EI24: variants seen among roughly 807,000 people sequenced by gnomAD.
EI24 encodes EI24 autophagy associated transmembrane protein, also known as etoposide-induced protein 2.4 homolog.
EI24 carries 21 observed loss-of-function variants against 48.6 expected under a neutral mutation model. That is an observed-to-expected ratio of 0.43 (90% confidence interval 0.31 to 0.62). EI24 has a LOEUF of 0.62. EI24 is among the 20% of genes least tolerant of loss of function. The pLI is 0.10. For synonymous variants in EI24, 114 were observed against 145.5 expected, an observed-to-expected ratio of 0.78 and a Z score of 1.56; for missense variants, 280 against 410.5, an observed-to-expected ratio of 0.68 and a Z score of 2.75.
intron 9 of EI24, among the ~76,000 whole-genome samples, chr11:125,582,052 G>GC (rs766979836): frequency 2.3e-4 from 35 of 151,860 alleles, no homozygotes; most frequent in Non-Finnish European, 4.3e-4. Flanking sequence ...ACAAAAATTA[G>GC]CCAGGCGTGG....
At position 125,581,197 on chromosome 11, in the gene EI24, C is replaced by T. The variant is rs1938978479; in HGVS notation, c.674-14C>T. Reference sequence around the variant, plus strand: ...GAAATATAATATCTAATTGTATTGGCTTTCTTGTTTTAGGAATTGAAATGC... The same window carrying T: ...GAAATATAATATCTAATTGTATTGGTTTTCTTGTTTTAGGAATTGAAATGC... On this transcript the variant is annotated splice_polypyrimidine_tract_variant and intron_variant, in intron 8 of 10. Transcript: ENST00000278903. 1 of 1,583,920 alleles carries T rather than the reference C, an allele frequency of 6.3e-7. No homozygotes were observed. Among genetic ancestry groups the T allele is most frequent in the African/African-American group, 1.3e-5 (1 of 74,202 alleles).
In EI24 at chr11:125,577,552, G is replaced by T. The variant is rs541463043; in HGVS notation, c.298G>T (p.Val100Leu). ...AGTATTTATTCCTGTGCTTCAGTCG[G>T]TAACAGCCCGAATTATCGGTAAGTG... ...YRVFIPVLQS[V>L]TARIIGDPSL... The change falls in exon 5 of 11, where the codon GTA becomes TTA. Residue 100 changes from valine to leucine, a missense_variant. Transcript: ENST00000278903. 6.2e-7 allele frequency: 1 copy of T among 1,613,780 alleles called. No homozygotes were observed. Among genetic ancestry groups the T allele is most frequent in the African/African-American group, 1.3e-5 (1 of 75,024 alleles).
intron 1 of EI24, 47 bp downstream of exon 1, chr11:125,569,620 C>G: frequency 2.8e-6 from 1 of 356,422 alleles, no homozygotes; most frequent in Non-Finnish European, 5.0e-6. Context: ...GCCGCGCCGC[C>G]CATTCTGAGT....
Position 125,578,379 on chromosome 11 carries a change from G to A in EI24, c.441+122G>A, listed in dbSNP as rs964279058. ...CTGTTTTTCAGCCTTAATGTTTCTT[G>A]GCCAGGTAGCCAGTAGCTGATCTTT... On this transcript the variant is annotated intron_variant, in intron 6 of 10. Transcript: ENST00000278903. 6 of 1,295,856 alleles carry A rather than the reference G, an allele frequency of 4.6e-6. No individual in the cohort carries two copies. The African/African-American group carries it at 7.4e-5, about 16-fold the overall frequency. The allele number at this position is 1,295,856 out of a possible 1,614,324, so 80.3% of individuals were successfully genotyped here.
intron 8 of EI24, among the ~76,000 whole-genome samples, chr11:125,580,424 A>G (rs1350533010): frequency 6.6e-6 from 1 of 152,218 alleles, no homozygotes; most frequent in Non-Finnish European, 1.5e-5. Flanking sequence ...TTGGTGCTTA[A>G]CATGGTATAT....
At chr11:125,578,820 C>A in intron 6 of EI24, 129 bp from the exon 7 acceptor site, 2 of 1,113,420 alleles carry the variant, frequency 1.8e-6, no homozygotes, top group Non-Finnish European at 2.5e-6. Context: ...CACATGCCAT[C>A]GTGCCCAGCT....
Position 125,583,515 on chromosome 11 carries a change from T to C in EI24, c.861-6T>C. On this transcript the variant is annotated splice_region_variant and splice_polypyrimidine_tract_variant and intron_variant, in intron 10 of 10. Coordinates refer to ENST00000278903, the MANE Select transcript of EI24 (RefSeq NM_004879.5). ...GAGCTAACAAGTTGGGTTTCTTGCC[T>C]TTTAGTCTCTTCCAGTTGCGCCTCT... The C allele has an allele frequency of 6.4e-7, 1 of 1,566,334 alleles. No individual in the cohort carries two copies. Among genetic ancestry groups the C allele is most frequent in the Non-Finnish European group, 8.7e-7 (1 of 1,155,450 alleles).
chr11:125,583,742 C>T lies in EI24; in HGVS notation c.*59C>T, dbSNP rs1939109572. 5 of 1,576,094 alleles carry T rather than the reference C, an allele frequency of 3.2e-6. No individual in the cohort carries two copies. Among genetic ancestry groups the T allele is most frequent in the South Asian group, 2.3e-5 (2 of 86,222 alleles). On this transcript the variant is annotated 3_prime_UTR_variant, in exon 11 of 11. Coordinates refer to ENST00000278903, the MANE Select transcript of EI24 (RefSeq NM_004879.5). ...GGAAGAAGCTGTGGCAGCTCTTTTC[C>T]CTGTTCACCTCCCGCCTGCCAGGGA... is the stretch of plus-strand genomic sequence containing the variant.
intron 8 of EI24, 176 bp from the exon 9 acceptor site, chr11:125,581,034 AC>A (rs1938970170): frequency 5.8e-6 from 1 of 171,290 alleles, no homozygotes; most frequent in South Asian, 1.9e-4. Flanking sequence ...CTGAGATTGC[AC>A]CACCGCACTC....
At position 125,578,902 on chromosome 11, in the gene EI24, T is replaced by C. The variant is rs765252278; in HGVS notation, c.442-47T>C. On this transcript the variant is annotated intron_variant, in intron 6 of 10. Coordinates refer to ENST00000278903, the MANE Select transcript of EI24 (RefSeq NM_004879.5). ...TAGTGGCCTTAGCTTTGGGGATGTA[T>C]ATCAAGGCCATTTAATTCATGTTTT... is the stretch of plus-strand genomic sequence containing the variant. 6 of 1,547,104 alleles carry C rather than the reference T, an allele frequency of 3.9e-6. No homozygotes were observed. In the East Asian group the frequency reaches 1.2e-4, roughly 31 times the overall value.
rs546476213 is a variant in EI24 at position 125,572,095 on chromosome 11, T to G, written c.-70-363T>G. Among the ~76,000 whole-genome samples, 7 of 152,308 alleles carry G rather than the reference T, an allele frequency of 4.6e-5. No homozygotes were observed. In the East Asian group the frequency reaches 1.4e-3, roughly 29 times the overall value. ...TTAAGAAGATATTGAAATGTAATTA[T>G]CTTCCATCTCCAAACCCTCAAAAGT... On this transcript the variant is annotated intron_variant, in intron 1 of 10. Coordinates refer to ENST00000278903, the MANE Select transcript of EI24 (RefSeq NM_004879.5).
Position 125,575,250 on chromosome 11 carries a change from G to A in EI24, c.43-13G>A. 1 of 1,532,860 alleles carries A rather than the reference G, an allele frequency of 6.5e-7. No individual in the cohort carries two copies. The highest frequency in any genetic ancestry group is 8.8e-7 in the Non-Finnish European group (1 of 1,135,056). 95.0% of individuals were successfully genotyped at this position (1,532,860 alleles called of 1,614,324 possible). ...TCAAATAATAATAATAATAATGATA[G>A]CCTTTTCTATAGGGAATCAAAGACT... On this transcript the variant is annotated splice_polypyrimidine_tract_variant and intron_variant, in intron 2 of 10. Coordinates refer to ENST00000278903, the MANE Select transcript of EI24 (RefSeq NM_004879.5).
At chr11:125,574,115 G>A (rs190881381) in intron 2 of EI24, among the ~76,000 whole-genome samples, 4 of 152,110 alleles carry the variant, frequency 2.6e-5, no homozygotes, top group Admixed American at 2.0e-4. Context: ...TTAGCCAGGC[G>A]TGGTGCACAT....
intron 4 of EI24, among the ~76,000 whole-genome samples, chr11:125,576,962 C>G (rs1226811104): frequency 6.6e-6 from 1 of 152,120 alleles, no homozygotes; most frequent in African/African-American, 2.4e-5. Context: ...TTGAAATGTT[C>G]CTGTATGCCC....
chr11:125,574,314 C>T (rs770769162), intron 2 of EI24, among the ~76,000 whole-genome samples: 16 of 152,048 alleles, frequency 1.1e-4, no homozygotes, highest in Non-Finnish European at 1.6e-4. Flanking sequence ...TGTTTGTCTG[C>T]CCCACTGGAC....
Position 125,571,192 on chromosome 11 carries a change from T to C in EI24, c.-70-1266T>C, listed in dbSNP as rs114855699. On this transcript the variant is annotated intron_variant, in intron 1 of 10. Transcript: ENST00000278903. ...GGAAAGTGTGCTTATATTTTGAAAT[T>C]TAAGGTTTGTACAAGCTGCTTGTGA... 6.1e-3 allele frequency among the ~76,000 whole-genome samples: 930 copies of C among 152,288 alleles called. 5 individuals are homozygous for C. The highest frequency in any genetic ancestry group is 0.021 in the African/African-American group (889 of 41,546).
chr11:125,570,834 C>T (rs887720946), intron 1 of EI24, among the ~76,000 whole-genome samples: 3 of 152,154 alleles, frequency 2.0e-5, no homozygotes, highest in Admixed American at 6.6e-5. Context: ...AAACTAGTGT[C>T]GTGCATATCA....
intron 6 of EI24, 123 bp downstream of exon 6, chr11:125,578,380 GC>G: frequency 8.2e-7 from 1 of 1,224,550 alleles, no homozygotes; most frequent in Non-Finnish European, 1.2e-6. Flanking sequence ...ATGTTTCTTG[GC>G]CAGGTAGCCA....
chr11:125,581,577 C>T lies in EI24; in HGVS notation c.785+255C>T, dbSNP rs904880419. The stretch of plus-strand genomic sequence containing the variant: ...TTTTTTTTTTTTTGAGACAGAGTCT[C>T]ACTCTGTCGCCCAGGCTAGAGTGCA... On this transcript the variant is annotated intron_variant, in intron 9 of 10. Transcript: ENST00000278903. Among the ~76,000 whole-genome samples the T allele has an allele frequency of 1.3e-4, 14 of 110,740 alleles. 1 individual carries two copies. Among genetic ancestry groups the T allele is most frequent in the African/African-American group, 4.6e-4 (13 of 28,404 alleles). The allele number at this position is 110,740 out of a possible 152,430, so 72.6% of individuals were successfully genotyped here.
Sources: gnomAD v4.1 joint callset for allele counts (sites outside exome capture counted in the v4.1 genomes callset) on GRCh38, gnomAD v4.1.1 for gene constraint, MANE v1.5 for transcripts, NCBI Gene and HGNC (gene_info 2026-07-23, HGNC 2026-07-21) for gene names.